Variants in NFKB2 observed in about 807,000 individuals in gnomAD.
NFKB2 encodes nuclear factor NF-kappa-B p100 subunit.
A neutral mutation model predicts 109.3 loss-of-function variants in NFKB2; 21 were observed. The observed-to-expected ratio is 0.19, with a 90% confidence interval of 0.14 to 0.28. The LOEUF is 0.28. Among genes scored for constraint, NFKB2 ranks in the 10% least tolerant of loss-of-function variants. The pLI, the probability that NFKB2 is intolerant of heterozygous loss-of-function variation, is 1.00. For synonymous variants in NFKB2, 478 were observed against 489.9 expected (o/e 0.98, Z 0.32); for missense variants, 806 against 1,185.3 (o/e 0.68, Z 4.70).
In NFKB2 at chr10:102,396,999, A is replaced by G; in HGVS notation, c.339A>G (p.Gln113=). The G allele has an allele frequency of 6.2e-7, 1 of 1,613,746 alleles. No homozygotes were observed. The highest frequency in any genetic ancestry group is 8.5e-7 in the Non-Finnish European group (1 of 1,179,778). The change falls in exon 6 of 23, where the codon CAA becomes CAG. Residue 113 remains glutamine (Q), a synonymous_variant. Coordinates refer to ENST00000661543, the MANE Select transcript of NFKB2 (RefSeq NM_001322934.2). This position sits in a 1 kb window ranked among gnomAD's most constrained non-coding sequence, Gnocchi z 5.9. The stretch of plus-strand genomic sequence containing the variant: ...ATGCCCACAGTCTGGTGGGCAAGCA[A>G]TGCTCGGAGCTGGGGATCTGCGCCG... ...RAHAHSLVGK[Q]CSELGICAVS...
At chr10:102,399,241 G>A in intron 12 of NFKB2, 47 bp from the exon 13 acceptor site, 1 of 1,472,000 alleles carries the variant, frequency 6.8e-7, no homozygotes, top group Non-Finnish European at 9.2e-7. Context: ...AAATCTGGGA[G>A]AGTCATGGCT....
rs1209226384 is a variant in NFKB2, at chr10:102,401,156, C to G, written c.2072-24C>G. 5 of 1,592,364 alleles carry G rather than the reference C, an allele frequency of 3.1e-6. No homozygotes were observed. Among genetic ancestry groups the G allele is most frequent in the Non-Finnish European group, 3.4e-6 (4 of 1,165,896 alleles). Reference sequence around the variant, plus strand: ...TTAATGTAGGCCCCCACCATACCGCCCCATGACGGCCTCCCTCTCCCAGGT... The same window carrying G: ...TTAATGTAGGCCCCCACCATACCGCGCCATGACGGCCTCCCTCTCCCAGGT... On this transcript the variant is annotated intron_variant, in intron 18 of 22. Transcript: ENST00000661543. The surrounding 1 kb of genome is among the most constrained non-coding windows in gnomAD (Gnocchi z 4.2).
chr10:102,397,524 CAGAGGCCGAGCAGCGGGAGCTGGAGCA>C lies in NFKB2; in HGVS notation c.508_534del (p.Glu170_Ala178del). The stretch of plus-strand genomic sequence containing the variant: ...AGGGGTCACACATGTACCTACTGCC[CAGAGGCCGAGCAGCGGGAGCTGGAGCA>C]AGAGGCCAAAGAACTGAAGAAGGTG... On this transcript the variant is annotated splice_acceptor_variant and coding_sequence_variant, in exon 8 of 23. Transcript: ENST00000661543. LOFTEE classifies it high-confidence loss of function. The surrounding 1 kb of genome is among the most constrained non-coding windows in gnomAD (Gnocchi z 4.7). 6.2e-7 allele frequency: 1 copy of C among 1,612,550 alleles called. No homozygotes were observed. The highest frequency in any genetic ancestry group is 8.5e-7 in the Non-Finnish European group (1 of 1,179,000).
rs1338345548 is a variant in NFKB2, at chr10:102,399,339, C to A, written c.1169C>A (p.Ser390Tyr). Residue 390 changes from serine to tyrosine, a missense_variant, in exon 13 of 23, where the codon TCC (serine) becomes TAC (tyrosine). This residue lies in a region of NFKB2 where 209 missense variants were observed against 211.9 expected (regional missense o/e 0.99). Transcript: ENST00000661543. ...PSSLAYSPYQ[S>Y]GAGPMGCYPG... ...TCCCTGGCCTACAGCCCCTACCAGTCCGGCGCGGGCCCCATGGGCTGCTAC... is the reference window on the plus strand; with the variant it reads ...TCCCTGGCCTACAGCCCCTACCAGTACGGCGCGGGCCCCATGGGCTGCTAC... 8.9e-6 allele frequency: 14 copies of A among 1,576,768 alleles called. No individual in the cohort carries two copies. In the East Asian group the frequency reaches 3.2e-4, roughly 36 times the overall value.
Position 102,400,590 on chromosome 10 carries a change from G to T in NFKB2, c.1799-65G>T. The T allele has an allele frequency of 6.2e-7, 1 of 1,603,488 alleles. No individual in the cohort carries two copies. The highest frequency in any genetic ancestry group is 8.5e-7 in the Non-Finnish European group (1 of 1,173,272). On this transcript the variant is annotated intron_variant, in intron 16 of 22. Transcript: ENST00000661543. The surrounding 1 kb of genome is among the most constrained non-coding windows in gnomAD (Gnocchi z 6.3). The stretch of plus-strand genomic sequence containing the variant: ...GACTATGAGGTGTCGAGATTGAATG[G>T]TCAGGGCTGGTCCAGGGGCTGCCTT...
Position 102,401,426 on chromosome 10 carries a change from C to T in NFKB2, c.2224-23C>T, listed in dbSNP as rs2061244858. On this transcript the variant is annotated intron_variant, in intron 19 of 22. Coordinates refer to ENST00000661543, the MANE Select transcript of NFKB2 (RefSeq NM_001322934.2). This position sits in a 1 kb window ranked among gnomAD's most constrained non-coding sequence, Gnocchi z 4.2. ...GCTTAAGGACGAGGTGGGAGGTAGT[C>T]AGAACTGCGGCTGTCTCCCCAGGTG... The T allele has an allele frequency of 6.2e-7, 1 of 1,613,662 alleles. No homozygotes were observed. The highest frequency in any genetic ancestry group is 8.5e-7 in the Non-Finnish European group (1 of 1,179,916).
In NFKB2 at chr10:102,396,137, C is replaced by G. The variant is rs2061106364; in HGVS notation, c.22-116C>G. The G allele has an allele frequency of 6.9e-6, 10 of 1,452,278 alleles. No homozygotes were observed. The highest frequency in any genetic ancestry group is 8.6e-6 in the Non-Finnish European group (9 of 1,044,900). 90.0% of individuals were successfully genotyped at this position (1,452,278 alleles called of 1,614,324 possible). On this transcript the variant is annotated intron_variant, in intron 2 of 22. Transcript: ENST00000661543. The surrounding 1 kb of genome is among the most constrained non-coding windows in gnomAD (Gnocchi z 5.9). ...TCTGCAACTCTGCCTCCAAAAGGAG[C>G]TTTCTCTTGGGTCTGAGGAGGAGGG...
Position 102,398,629 on chromosome 10 carries a change from G to A in NFKB2, c.991+106G>A, listed in dbSNP as rs930810744. 6.2e-6 allele frequency: 10 copies of A among 1,610,076 alleles called. No individual in the cohort carries two copies. Among genetic ancestry groups the A allele is most frequent in the Admixed American group, 5.0e-5 (3 of 59,694 alleles). ...GATGCATGAGCCAAGTCAGAAGTGC[G>A]AGGGTCCCAGGAGGTGCTTCCTAGG... On this transcript the variant is annotated intron_variant, in intron 11 of 22. Transcript: ENST00000661543. This position sits in a 1 kb window ranked among gnomAD's most constrained non-coding sequence, Gnocchi z 6.6.
In NFKB2 at chr10:102,397,624, C is replaced by T. The variant is rs778693319; in HGVS notation, c.600C>T (p.Ala200=). The part of the protein sequence containing the change: ...VRLRFSAFLR[A]SDGSFSLPLK... ...TGCGCTTCTCTGCCTTCCTTAGAGC[C>T]AGTGATGGCTCCTTCTCCCTGCCCC... Residue 200 remains alanine (A), a synonymous_variant, in exon 8 of 23, where the codon GCC becomes GCT. Coordinates refer to ENST00000661543, the MANE Select transcript of NFKB2 (RefSeq NM_001322934.2). This position sits in a 1 kb window ranked among gnomAD's most constrained non-coding sequence, Gnocchi z 4.7. 9 of 1,613,832 alleles carry T rather than the reference C, an allele frequency of 5.6e-6. No individual in the cohort carries two copies. Among genetic ancestry groups the T allele is most frequent in the African/African-American group, 1.3e-5 (1 of 74,924 alleles).
Position 102,395,807 on chromosome 10 carries a change from C to A in NFKB2, c.-73+11C>A. ...AGGCGGCTGGAGGAGGTCGGACCCT[C>A]CCCCAAATCTGGGCCCCCATCTCCC... is the stretch of plus-strand genomic sequence containing the variant. On this transcript the variant is annotated intron_variant, in intron 1 of 22. Coordinates refer to ENST00000661543, the MANE Select transcript of NFKB2 (RefSeq NM_001322934.2). 2 of 553,606 alleles carry A rather than the reference C, an allele frequency of 3.6e-6. No individual in the cohort carries two copies. The highest frequency in any genetic ancestry group is 6.2e-6 in the Non-Finnish European group (2 of 323,394). 34.3% of individuals were successfully genotyped at this position (553,606 alleles called of 1,614,324 possible).
chr10:102,402,093 A>G lies in NFKB2; in HGVS notation c.2512A>G (p.Met838Val), dbSNP rs759518899. Residue 838 changes from methionine (M) to valine (V), a missense_variant, in exon 22 of 23, where the codon ATG becomes GTG. By Grantham distance (21) the Met-to-Val change is conservative (BLOSUM62 1). This residue lies in a region of NFKB2 where 211 missense variants were observed against 268.7 expected (regional missense o/e 0.79). Transcript: ENST00000661543. ...LAGLLEALSD[M>V]GLEEGVRLLR... ...AGGTCTACTGGAGGCCCTGTCTGAC[A>G]TGGGCCTAGAGGAGGGAGTGAGGCT... The G allele has an allele frequency of 6.3e-7, 1 of 1,577,992 alleles. No individual in the cohort carries two copies. The highest frequency in any genetic ancestry group is 2.3e-5 in the East Asian group (1 of 42,974).
upstream of NFKB2, among the ~76,000 whole-genome samples, chr10:102,395,401 C>G (rs2061086189): frequency 1.3e-5 from 2 of 152,170 alleles, no homozygotes; most frequent in South Asian, 4.1e-4. Flanking sequence ...GCAGAAAATC[C>G]CAAGGTTGCT....
Position 102,398,036 on chromosome 10 carries a change from T to C in NFKB2, c.717T>C (p.Ser239=). 1 of 1,614,164 alleles carries C rather than the reference T, an allele frequency of 6.2e-7. No homozygotes were observed. Among genetic ancestry groups the C allele is most frequent in the Non-Finnish European group, 8.5e-7 (1 of 1,180,018 alleles). ...KISRMDKTAG[S]VRGGDEVYLL... is the part of the protein sequence containing the mutation. The stretch of plus-strand genomic sequence containing the variant: ...CTCGAATGGACAAGACAGCAGGCTC[T>C]GTGCGGGGTGGAGATGAAGTTTATC... The change falls in exon 9 of 23, where the codon TCT becomes TCC. Residue 239 remains serine (S), a synonymous_variant. Coordinates refer to ENST00000661543, the MANE Select transcript of NFKB2 (RefSeq NM_001322934.2). This position sits in a 1 kb window ranked among gnomAD's most constrained non-coding sequence, Gnocchi z 6.6.
In NFKB2 at chr10:102,396,355, C is replaced by T. The variant is rs1190477733; in HGVS notation, c.103+21C>T. On this transcript the variant is annotated intron_variant, in intron 3 of 22. Transcript: ENST00000661543. The surrounding 1 kb of genome is among the most constrained non-coding windows in gnomAD (Gnocchi z 5.9). The stretch of plus-strand genomic sequence containing the variant: ...AACAGGTCAGCAAGTTCACTAACCT[C>T]CCCTAGTCCTAAAGCGGGGGAGGGA... 3 of 1,613,736 alleles carry T rather than the reference C, an allele frequency of 1.9e-6. No individual in the cohort carries two copies. Among genetic ancestry groups the T allele is most frequent in the Non-Finnish European group, 8.5e-7 (1 of 1,179,786 alleles).
At position 102,399,800 on chromosome 10, in the gene NFKB2, C is replaced by T. The variant is rs1188196988; in HGVS notation, c.1469+82C>T. On this transcript the variant is annotated intron_variant, in intron 14 of 22. Transcript: ENST00000661543. ...GCACGGAGGCGGGCTCTGCAGTTTT[C>T]GGACACGCCAGGCTTCAAGTCCGGC... 3 of 1,429,182 alleles carry T rather than the reference C, an allele frequency of 2.1e-6. No homozygotes were observed. The Admixed American group carries it at 8.5e-5, about 41-fold the overall frequency. 88.5% of individuals were successfully genotyped at this position (1,429,182 alleles called of 1,614,324 possible).
rs375242665 is a variant in NFKB2 at position 102,400,261 on chromosome 10, C to T, written c.1585-17C>T. 1.5e-5 allele frequency: 25 copies of T among 1,614,006 alleles called. No individual in the cohort carries two copies. The highest frequency in any genetic ancestry group is 1.9e-5 in the Non-Finnish European group (23 of 1,180,002). On this transcript the variant is annotated splice_polypyrimidine_tract_variant and intron_variant, in intron 15 of 22. Transcript: ENST00000661543. The surrounding 1 kb of genome is among the most constrained non-coding windows in gnomAD (Gnocchi z 6.3). ...CAAGTGGGTCTCGGGCCTGGCTCAC[C>T]CTGCTTTCATCCCCAGACGCCCCTG... is the stretch of plus-strand genomic sequence containing the variant.
At chr10:102,395,557 G>C (rs1291867482), upstream of NFKB2, 1 of 337,586 alleles carries the variant, frequency 3.0e-6, no homozygotes, top group African/African-American at 2.1e-5. Flanking sequence ...CTAGACCTCT[G>C]CCCGCTGAAA....
chr10:102,395,258 T>TCTCGGGGCAGAAC (rs1198052151), upstream of NFKB2, among the ~76,000 whole-genome samples: 5 of 152,080 alleles, frequency 3.3e-5, no homozygotes, highest in African/African-American at 1.2e-4. Context: ...AGAATCGCGT[T>TCTCGGGGCAGAAC]CTCGGGGCAG....
chr10:102,396,292 A>G lies in NFKB2; in HGVS notation c.61A>G (p.Asn21Asp), dbSNP rs1355876416. 1 of 1,613,110 alleles carries G rather than the reference A, an allele frequency of 6.2e-7. No individual in the cohort carries two copies. Among genetic ancestry groups the G allele is most frequent in the Non-Finnish European group, 8.5e-7 (1 of 1,179,244 alleles). ...GIIEYDDFKL[N>D]SSIVEPKEPA... ...TATTGAATATGATGATTTCAAATTG[A>G]ACTCCTCCATTGTGGAACCCAAGGA... is the stretch of plus-strand genomic sequence containing the variant. Residue 21 changes from asparagine (N) to aspartate (D), a missense_variant, in exon 3 of 23, where the codon AAC (asparagine) becomes GAC (aspartate). This residue lies in a region of NFKB2 where 39 missense variants were observed against 35.6 expected (regional missense o/e 1.09). Coordinates refer to ENST00000661543, the MANE Select transcript of NFKB2 (RefSeq NM_001322934.2). This position sits in a 1 kb window ranked among gnomAD's most constrained non-coding sequence, Gnocchi z 5.9.
Sources: allele counts gnomAD v4.1 joint callset (sites outside exome capture counted in the v4.1 genomes callset), GRCh38; gene constraint gnomAD v4.1.1; regional missense constraint gnomAD v4.1.1; non-coding constraint Gnocchi (gnomAD v3.1); transcripts MANE v1.5; gene names NCBI Gene and HGNC (gene_info 2026-07-23, HGNC 2026-07-21).